The following RASEF variants were observed in gnomAD, a reference collection of about 807,000 sequenced individuals.
The protein encoded by RASEF is RAS and EF-hand domain containing.
Under a neutral mutation model 90.1 loss-of-function variants are expected in RASEF, and 68 were observed. The ratio of observed to expected loss-of-function variants is 0.75; its 90% confidence interval spans 0.62 to 0.92. RASEF has a LOEUF of 0.92. Ranked by LOEUF, RASEF falls within the 40% of genes least tolerant of loss-of-function variation. The pLI is 0.00. For synonymous variants in RASEF, 331 were observed against 345.2 expected, an observed-to-expected ratio of 0.96 and a Z score of 0.46; for missense variants, 949 against 937.2, an observed-to-expected ratio of 1.01 and a Z score of -0.16.
At chr9:83,029,479 G>A (rs943962940) in intron 1 of RASEF, among the ~76,000 whole-genome samples, 1 of 148,580 alleles carries the variant, frequency 6.7e-6, no homozygotes, top group Non-Finnish European at 1.5e-5. Context: ...TGCAACCTCC[G>A]CCTCCCAGGT....
At chr9:83,064,987 G>A (rs143282278), upstream of RASEF, among the ~76,000 whole-genome samples, 2,114 of 152,232 alleles carry the variant, frequency 0.014, 41 homozygotes, top group African/African-American at 0.049. Flanking sequence ...AGAATCACTC[G>A]AACCTGAGAG....
the RASEF span, among the ~76,000 whole-genome samples, chr9:83,175,858 C>T: frequency 4.6e-5 from 7 of 152,172 alleles, no homozygotes; most frequent in Non-Finnish European, 7.4e-5. Flanking sequence ...GGGATACAGG[C>T]GTGAGCCACC....
intron 8 of RASEF, 67 bp from the exon 9 acceptor site, chr9:83,004,653 G>T: frequency 1.0e-6 from 1 of 962,984 alleles, no homozygotes; most frequent in Non-Finnish European, 1.7e-6. Flanking sequence ...TATACACATA[G>T]GTACACACAA....
At chr9:83,057,674 G>C (rs1378458009) in intron 1 of RASEF, among the ~76,000 whole-genome samples, 1 of 152,124 alleles carries the variant, frequency 6.6e-6, no homozygotes, top group East Asian at 1.9e-4. Flanking sequence ...ACAGTCAAAA[G>C]CACCCTTGAA....
chr9:83,108,930 A>G, the RASEF span, among the ~76,000 whole-genome samples: 3 of 152,214 alleles, frequency 2.0e-5, no homozygotes, highest in Admixed American at 6.5e-5. Flanking sequence ...CTGAAAATGT[A>G]TGTAGTCTAG....
At chr9:83,142,108 T>G in the RASEF span, among the ~76,000 whole-genome samples, 1 of 152,218 alleles carries the variant, frequency 6.6e-6, no homozygotes, top group Non-Finnish European at 1.5e-5. Context: ...TAAACCTGTC[T>G]TGGCAACAGT....
chr9:83,087,011 C>T, the RASEF span, among the ~76,000 whole-genome samples: 2,124 of 151,960 alleles, frequency 0.014, 51 homozygotes, highest in African/African-American at 0.048. Flanking sequence ...AAGTTGGCTG[C>T]GAAAAAGGAT....
At chr9:83,011,934 A>T (rs1829254241) in intron 5 of RASEF, among the ~76,000 whole-genome samples, 1 of 152,200 alleles carries the variant, frequency 6.6e-6, no homozygotes, top group Admixed American at 6.5e-5. Context: ...GAATCATAAG[A>T]AAGAAAATGC....
the RASEF span, among the ~76,000 whole-genome samples, chr9:83,112,960 A>G: frequency 6.6e-6 from 1 of 152,190 alleles, no homozygotes; most frequent in Non-Finnish European, 1.5e-5. Context: ...GTAGATTCTA[A>G]TTTAAAAAAT....
chr9:83,092,676 C>G, the RASEF span, among the ~76,000 whole-genome samples: 1 of 152,064 alleles, frequency 6.6e-6, no homozygotes, highest in Non-Finnish European at 1.5e-5. Flanking sequence ...GGAAGGGGAC[C>G]CGAGCGGGTT....
At chr9:82,988,790 A>G (rs183500223) in intron 16 of RASEF, among the ~76,000 whole-genome samples, 3 of 152,290 alleles carry the variant, frequency 2.0e-5, no homozygotes, top group African/African-American at 7.2e-5. Flanking sequence ...AGTTTCCTGT[A>G]AAGACTGCAG....
At chr9:83,124,692 T>G in the RASEF span, among the ~76,000 whole-genome samples, 3 of 152,238 alleles carry the variant, frequency 2.0e-5, no homozygotes, top group Non-Finnish European at 1.5e-5. Context: ...ACTTATCAGT[T>G]GTTACGCAAA....
At chr9:83,056,099 T>C (rs927611068) in intron 1 of RASEF, among the ~76,000 whole-genome samples, 3 of 152,196 alleles carry the variant, frequency 2.0e-5, no homozygotes, top group Non-Finnish European at 2.9e-5. Context: ...GAGCTGTATA[T>C]CCTGTTTTTA....
chr9:82,985,685 G>T (rs1201361099), intron 16 of RASEF, among the ~76,000 whole-genome samples: 1 of 152,176 alleles, frequency 6.6e-6, no homozygotes, highest in Non-Finnish European at 1.5e-5. Flanking sequence ...TCTTGCACTA[G>T]CCCAGGTAGG....
At chr9:83,055,371 C>G (rs1830083885) in intron 1 of RASEF, 1 of 478,242 alleles carries the variant, frequency 2.1e-6, no homozygotes, top group Non-Finnish European at 3.8e-6. Flanking sequence ...CTTGCGCTTC[C>G]CAGGTGAGGC....
intron 16 of RASEF, among the ~76,000 whole-genome samples, chr9:82,986,063 C>T (rs1380343134): frequency 6.6e-6 from 1 of 152,070 alleles, no homozygotes; most frequent in African/African-American, 2.4e-5. Context: ...GTTCCAGAAG[C>T]TGTGTGGATG....
At chr9:83,217,199 C>T in the RASEF span, among the ~76,000 whole-genome samples, 4 of 152,002 alleles carry the variant, frequency 2.6e-5, no homozygotes, top group Non-Finnish European at 5.9e-5. Flanking sequence ...ATGCTTTTAC[C>T]CCCCATTGTA....
the RASEF span, among the ~76,000 whole-genome samples, chr9:83,093,122 G>A: frequency 1.3e-5 from 2 of 152,176 alleles, no homozygotes; most frequent in Non-Finnish European, 2.9e-5. Context: ...GCTGATTGGT[G>A]TGTTTACAAA....
In RASEF at chr9:83,007,564, T is replaced by C. The variant is rs115799181; in HGVS notation, c.960-59A>G. ...TAGGTGTCAAGTCCTGCCTCACGTA[T>C]ACCTACCCTCCCAGACCCTTTCCCA... On this transcript the variant is annotated intron_variant, in intron 6 of 16. Transcript: ENST00000376447. The C allele has an allele frequency of 1.6e-3, 1,968 of 1,200,450 alleles. 21 individuals carry two copies. The African/African-American group carries it at 0.025, about 16-fold the overall frequency. 74.4% of individuals were successfully genotyped at this position (1,200,450 alleles called of 1,614,324 possible). A position where few individuals can be genotyped will look rare whatever the true frequency, so the allele number is the denominator to read the frequency against.
Sources: gnomAD v4.1 joint callset for allele counts (sites outside exome capture counted in the v4.1 genomes callset) on GRCh38, gnomAD v4.1.1 for gene constraint, MANE v1.5 for transcripts, NCBI Gene and HGNC (gene_info 2026-07-23, HGNC 2026-07-21) for gene names.